The following NDUFA10 variants were observed in gnomAD, a reference collection of about 807,000 sequenced individuals.
The protein encoded by NDUFA10 is NADH dehydrogenase [ubiquinone] 1 alpha subcomplex subunit 10, mitochondrial.
NDUFA10 carries 40 observed loss-of-function variants against 47.8 expected under a neutral mutation model. The ratio of observed to expected loss-of-function variants is 0.84; its 90% CI spans 0.65 to 1.09. The LOEUF (loss-of-function observed/expected upper bound fraction) is 1.09. Ranked by LOEUF, NDUFA10 falls within the 50% of genes least tolerant of loss-of-function variation. The pLI, the probability that NDUFA10 is intolerant of heterozygous loss-of-function variation, is 0.00. For missense variants in NDUFA10, 413 were observed against 451.1 expected, an observed-to-expected ratio of 0.92 and a Z score of 0.76; for synonymous variants, 183 against 172.2, an observed-to-expected ratio of 1.06 and a Z score of -0.49.
chr2:240,004,154 G>A (rs983313242), intron 8 of NDUFA10, among the ~76,000 whole-genome samples: 3 of 152,102 alleles, frequency 2.0e-5, no homozygotes, highest in South Asian at 4.1e-4. Flanking sequence ...GGGAGGAGGA[G>A]GGCATGGAAC....
At chr2:239,988,143 A>T (rs1284805464) in intron 9 of NDUFA10, among the ~76,000 whole-genome samples, 1 of 152,210 alleles carries the variant, frequency 6.6e-6, no homozygotes, top group African/African-American at 2.4e-5. Flanking sequence ...TGCAAATTAC[A>T]AGGTATCCAT....
chr2:239,921,018 G>A (rs1693967152), intron 4 of NDUFA10, among the ~76,000 whole-genome samples: 1 of 152,182 alleles, frequency 6.6e-6, no homozygotes, highest in Non-Finnish European at 1.5e-5. Context: ...ACAGCCACAG[G>A]GTTCTGTGGA....
At position 240,018,650 on chromosome 2, in the gene NDUFA10, A is replaced by T. The variant is rs775215702; in HGVS notation, c.461-11T>A. The T allele has an allele frequency of 6.2e-7, 1 of 1,614,034 alleles. No individual in the cohort carries two copies. Among genetic ancestry groups the T allele is most frequent in the Non-Finnish European group, 8.5e-7 (1 of 1,179,904 alleles). On this transcript the variant is annotated splice_polypyrimidine_tract_variant and intron_variant, in intron 3 of 9. Coordinates refer to ENST00000252711, the MANE Select transcript of NDUFA10 (RefSeq NM_004544.4). ...ACACAACACCTTGTCCTGTTTAAACATAGGCAAACAGAAATTGAAAATCAG... is the reference window on the plus strand; with the variant it reads ...ACACAACACCTTGTCCTGTTTAAACTTAGGCAAACAGAAATTGAAAATCAG...
Position 239,987,588 on chromosome 2 carries a change from A to G in NDUFA10, c.999+2486T>C, listed in dbSNP as rs529864049. Among the ~76,000 whole-genome samples, 1 of 152,226 alleles carries G rather than the reference A, an allele frequency of 6.6e-6. No homozygotes were observed. Among genetic ancestry groups the G allele is most frequent in the Non-Finnish European group, 1.5e-5 (1 of 68,032 alleles). On this transcript the variant is annotated intron_variant, in intron 9 of 9. Transcript: ENST00000252711. This position sits in a 1 kb window ranked among gnomAD's most constrained non-coding sequence, Gnocchi z 4.8. ...TCCCAAACTACCCAAACTAAAAAAAAACAAATAGGTAAAAATGATGATCAA... is the reference window on the plus strand; with the variant it reads ...TCCCAAACTACCCAAACTAAAAAAAGACAAATAGGTAAAAATGATGATCAA...
chr2:239,983,146 A>T (rs541756816), intron 9 of NDUFA10, among the ~76,000 whole-genome samples: 23 of 152,200 alleles, frequency 1.5e-4, no homozygotes, highest in Non-Finnish European at 3.2e-4. Flanking sequence ...GCACAGGCTC[A>T]GGAGGGAGGG....
intron 4 of NDUFA10, among the ~76,000 whole-genome samples, chr2:239,930,454 C>T (rs11901225): frequency 0.41 from 62,122 of 150,974 alleles, 13,057 homozygotes; most frequent in East Asian, 0.47. Flanking sequence ...ATCGCCACTT[C>T]GCCGAGAGAA....
At chr2:239,955,798 T>C (rs759610045), downstream of NDUFA10, among the ~76,000 whole-genome samples, 2 of 152,122 alleles carry the variant, frequency 1.3e-5, no homozygotes, top group Non-Finnish European at 2.9e-5. Flanking sequence ...CAGGGGACAG[T>C]GGACTCTGGC....
At chr2:239,938,898 G>GC (rs1694313304) in intron 4 of NDUFA10, among the ~76,000 whole-genome samples, 2 of 152,220 alleles carry the variant, frequency 1.3e-5, no homozygotes, top group South Asian at 4.1e-4. Flanking sequence ...AGGGTCAGCG[G>GC]CCCCCGCGGA....
At chr2:239,915,287 GAC>G (rs62649475) in intron 4 of NDUFA10, among the ~76,000 whole-genome samples, 6,666 of 143,882 alleles carry the variant, frequency 0.046, 476 homozygotes, top group African/African-American at 0.15. Flanking sequence ...CAAATATACA[GAC>G]ACAGACAGAG....
intron 5 of NDUFA10, 32 bp downstream of exon 5, chr2:240,014,707 G>A (rs758226971): frequency 1.2e-6 from 2 of 1,613,888 alleles, no homozygotes; most frequent in East Asian, 2.2e-5. Flanking sequence ...TCAAAATAGA[G>A]ATGCTTGGCC....
At chr2:239,997,016 T>C (rs1696508936) in intron 8 of NDUFA10, among the ~76,000 whole-genome samples, 1 of 152,124 alleles carries the variant, frequency 6.6e-6, no homozygotes, top group Non-Finnish European at 1.5e-5. Context: ...GCTATATAAA[T>C]AGTTGTTATA....
At chr2:240,018,401 A>C in intron 4 of NDUFA10, 152 bp downstream of exon 4, 1 of 1,548,080 alleles carries the variant, frequency 6.5e-7, no homozygotes, top group Non-Finnish European at 8.7e-7. Flanking sequence ...ATACTTAGGA[A>C]GTTCCTTTTT....
intron 4 of NDUFA10, among the ~76,000 whole-genome samples, chr2:239,921,955 CCCCT>C (rs1486197425): frequency 1.4e-5 from 2 of 147,984 alleles, no homozygotes; most frequent in South Asian, 2.2e-4. Context: ...CTTTCCTCCT[CCCCT>C]CCCTCCCTCC....
chr2:239,932,586 T>TTC (rs1393643064), intron 4 of NDUFA10, among the ~76,000 whole-genome samples: 1 of 152,094 alleles, frequency 6.6e-6, no homozygotes, highest in African/African-American at 2.4e-5. Context: ...TCAAAGAATT[T>TTC]TTTTTTTTTT....
intron 4 of NDUFA10, among the ~76,000 whole-genome samples, chr2:239,898,467 C>T (rs981545430): frequency 6.6e-6 from 1 of 152,210 alleles, no homozygotes; most frequent in African/African-American, 2.4e-5. Context: ...AAGTGAATTC[C>T]CAGGACTGGG....
chr2:239,950,738 C>T (rs1176936726), intron 4 of NDUFA10, among the ~76,000 whole-genome samples: 1 of 152,184 alleles, frequency 6.6e-6, no homozygotes, highest in Admixed American at 6.5e-5. Context: ...GAGTGGCAGC[C>T]GCACGCCTGT....
chr2:240,023,258 T>C (rs1162035881), intron 1 of NDUFA10, among the ~76,000 whole-genome samples: 1 of 151,904 alleles, frequency 6.6e-6, no homozygotes, highest in Non-Finnish European at 1.5e-5. Flanking sequence ...TACAGAACAA[T>C]AAGAAAACAA....
Position 240,007,381 on chromosome 2 carries a change from AAAC to A in NDUFA10, c.750-14_750-12del. ...ACCTCACATTTTTCACTGTAAGAAA[AAAC>A]AAGATGAAATTCAGTGTAAACTTTT... On this transcript the variant is annotated splice_polypyrimidine_tract_variant and intron_variant, in intron 6 of 9. Coordinates refer to ENST00000252711, the MANE Select transcript of NDUFA10 (RefSeq NM_004544.4). 1 of 1,557,420 alleles carries A rather than the reference AAAC, an allele frequency of 6.4e-7. No homozygotes were observed. The highest frequency in any genetic ancestry group is 1.1e-5 in the South Asian group (1 of 89,770).
In NDUFA10 at chr2:239,960,776, A is replaced by G. The variant is rs1694822964; in HGVS notation, c.*342T>C. On this transcript the variant is annotated 3_prime_UTR_variant, in exon 10 of 10. Transcript: ENST00000252711. Reference sequence around the variant, plus strand: ...CACTTTTATTTCTGGAAGTCAGAAGAAAAACAATGTGCACAACCTGAATGA... The same window carrying G: ...CACTTTTATTTCTGGAAGTCAGAAGGAAAACAATGTGCACAACCTGAATGA... 3.3e-6 allele frequency: 4 copies of G among 1,229,490 alleles called. No individual in the cohort carries two copies. Among genetic ancestry groups the G allele is most frequent in the Middle Eastern group, 3.5e-4 (1 of 2,898 alleles). 76.2% of individuals were successfully genotyped at this position (1,229,490 alleles called of 1,614,324 possible). A position where few individuals can be genotyped will look rare whatever the true frequency, so the allele number is the denominator to read the frequency against.
Sources: allele counts gnomAD v4.1 joint callset (sites outside exome capture counted in the v4.1 genomes callset), GRCh38; gene constraint gnomAD v4.1.1; non-coding constraint Gnocchi (gnomAD v3.1); transcripts MANE v1.5; gene names NCBI Gene and HGNC (gene_info 2026-07-23, HGNC 2026-07-21).